The following CLSTN2 variants were observed in gnomAD, a reference collection of about 807,000 sequenced individuals.
CLSTN2 encodes calsyntenin 2.
CLSTN2 carries 48 observed loss-of-function variants against 101.2 expected under a neutral mutation model. That is an observed-to-expected ratio of 0.47 (90% CI 0.38 to 0.60). The LOEUF (loss-of-function observed/expected upper bound fraction) is 0.60, where lower values mean the gene tolerates loss of function less well. Ranked by LOEUF, CLSTN2 falls within the 20% of genes least tolerant of loss-of-function variation. The pLI is 0.00. For missense variants in CLSTN2, 1,160 were observed against 1,238.2 expected (o/e 0.94, Z 0.95); for synonymous variants, 481 against 463.6 (o/e 1.04, Z -0.48).
At chr3:140,064,039 A>T (rs1289556795) in intron 1 of CLSTN2, among the ~76,000 whole-genome samples, 1 of 152,156 alleles carries the variant, frequency 6.6e-6, no homozygotes, top group Non-Finnish European at 1.5e-5. Flanking sequence ...TGGAGCAGTA[A>T]CCATTGGCTA....
chr3:140,237,400 A>G (rs1443543308), intron 2 of CLSTN2, among the ~76,000 whole-genome samples: 2 of 152,150 alleles, frequency 1.3e-5, no homozygotes, highest in Non-Finnish European at 2.9e-5. Context: ...GTTTTTCCTC[A>G]GCCTTGGTAG....
chr3:140,047,679 C>T (rs533303925), intron 1 of CLSTN2, among the ~76,000 whole-genome samples: 4 of 152,218 alleles, frequency 2.6e-5, no homozygotes, highest in African/African-American at 9.6e-5. Flanking sequence ...CTGTGGAGTC[C>T]GCAGGTAGTG....
At chr3:140,095,160 C>A (rs975274208) in intron 1 of CLSTN2, among the ~76,000 whole-genome samples, 2 of 152,164 alleles carry the variant, frequency 1.3e-5, no homozygotes, top group African/African-American at 4.8e-5. Flanking sequence ...CCCTCAACAC[C>A]GTACCAGAGC....
At chr3:140,266,904 AGTT>A (rs1320403913) in intron 2 of CLSTN2, among the ~76,000 whole-genome samples, 7 of 152,178 alleles carry the variant, frequency 4.6e-5, no homozygotes, top group Admixed American at 1.3e-4. Context: ...TCTGGTTGTT[AGTT>A]GTTGTCTGGA....
At chr3:139,997,587 C>A (rs1219013485) in intron 1 of CLSTN2, among the ~76,000 whole-genome samples, 1 of 152,102 alleles carries the variant, frequency 6.6e-6, no homozygotes, top group Non-Finnish European at 1.5e-5. Context: ...GAATGGCATT[C>A]TAGTTAACGC....
chr3:140,126,995 G>A (rs1367060695), intron 1 of CLSTN2, among the ~76,000 whole-genome samples: 1 of 144,970 alleles, frequency 6.9e-6, no homozygotes, highest in African/African-American at 2.6e-5. Flanking sequence ...CAAGTTCAAG[G>A]TTATCACTAT....
chr3:140,148,065 G>A (rs988196544), intron 1 of CLSTN2, among the ~76,000 whole-genome samples: 6 of 152,232 alleles, frequency 3.9e-5, no homozygotes, highest in African/African-American at 1.4e-4. Context: ...GGAAAGGGTG[G>A]AAAGGGCAGG....
intron 1 of CLSTN2, 146 bp from the exon 2 acceptor site, chr3:140,175,805 A>G (rs1576456078): frequency 1.3e-6 from 1 of 785,474 alleles, no homozygotes; most frequent in Non-Finnish European, 1.9e-6. Flanking sequence ...TTCTGGGTTT[A>G]AAATGGGATT....
At chr3:140,011,755 A>T (rs1227020463) in intron 1 of CLSTN2, among the ~76,000 whole-genome samples, 1 of 151,302 alleles carries the variant, frequency 6.6e-6, no homozygotes, top group Non-Finnish European at 1.5e-5. Context: ...CTTGCATGAG[A>T]GTTTTGTTGA....
chr3:139,961,524 T>C (rs969510649), intron 1 of CLSTN2, among the ~76,000 whole-genome samples: 3 of 152,190 alleles, frequency 2.0e-5, no homozygotes, highest in Admixed American at 6.5e-5. Flanking sequence ...AAATGAGTGA[T>C]GTTGATCTGC....
At chr3:140,266,845 T>G (rs1243503459) in intron 2 of CLSTN2, among the ~76,000 whole-genome samples, 1 of 152,234 alleles carries the variant, frequency 6.6e-6, no homozygotes, top group African/African-American at 2.4e-5. Context: ...CAATTTGTCC[T>G]TGGCTACATG....
At chr3:139,978,648 T>TTG (rs552137591) in intron 1 of CLSTN2, among the ~76,000 whole-genome samples, 158 of 135,600 alleles carry the variant, frequency 1.2e-3, no homozygotes, top group African/African-American at 4.0e-3. Flanking sequence ...GGATGGGGGA[T>TTG]TGTGTGTGTG....
chr3:139,953,105 G>T (rs578241961), intron 1 of CLSTN2, among the ~76,000 whole-genome samples: 1 of 152,252 alleles, frequency 6.6e-6, no homozygotes, highest in South Asian at 2.1e-4. Context: ...CTCCCCAGAG[G>T]GAATGTGAGC....
chr3:140,198,263 T>G (rs1217576521), intron 2 of CLSTN2, among the ~76,000 whole-genome samples: 2 of 152,240 alleles, frequency 1.3e-5, no homozygotes, highest in South Asian at 4.1e-4. Context: ...TCATGTTGTG[T>G]TGGTGCCTTT....
intron 10 of CLSTN2, among the ~76,000 whole-genome samples, chr3:140,547,337 G>C (rs1935614983): frequency 6.6e-6 from 1 of 152,054 alleles, no homozygotes; most frequent in South Asian, 2.1e-4. Flanking sequence ...AGCCACACAT[G>C]GTGGCGTGCA....
At chr3:139,958,781 A>T (rs1054683220) in intron 1 of CLSTN2, among the ~76,000 whole-genome samples, 15 of 151,382 alleles carry the variant, frequency 9.9e-5, no homozygotes, top group African/African-American at 4.9e-5. Context: ...CTGCAGGTAT[A>T]CCATATTTCA....
At chr3:140,110,778 C>A (rs539929337) in intron 1 of CLSTN2, among the ~76,000 whole-genome samples, 1 of 152,268 alleles carries the variant, frequency 6.6e-6, no homozygotes, top group South Asian at 2.1e-4. Flanking sequence ...TGGGTGCCCA[C>A]CTGGAAGCCC....
At chr3:140,298,462 A>G (rs2087024338) in intron 2 of CLSTN2, among the ~76,000 whole-genome samples, 2 of 152,348 alleles carry the variant, frequency 1.3e-5, no homozygotes, top group South Asian at 2.1e-4. Context: ...CTCACCATCT[A>G]GAGAAAAAGA....
intron 2 of CLSTN2, among the ~76,000 whole-genome samples, chr3:140,242,842 C>T (rs1203680886): frequency 6.6e-6 from 1 of 152,166 alleles, no homozygotes; most frequent in South Asian, 2.1e-4. Context: ...AACACTGCAC[C>T]GTTATGGCCT....
Sources: gnomAD v4.1 joint callset for allele counts (sites outside exome capture counted in the v4.1 genomes callset) on GRCh38, gnomAD v4.1.1 for gene constraint, MANE v1.5 for transcripts, NCBI Gene and HGNC (gene_info 2026-07-23, HGNC 2026-07-21) for gene names.